The following AK5 variants were observed in gnomAD, a reference collection of about 807,000 sequenced individuals.
The protein encoded by AK5 is adenylate kinase isoenzyme 5.
A neutral mutation model predicts 69.5 loss-of-function variants in AK5; 27 were observed. The observed-to-expected ratio is 0.39, with a 90% confidence interval of 0.29 to 0.54. The LOEUF (loss-of-function observed/expected upper bound fraction) is 0.54. AK5 is among the 20% of genes least tolerant of loss of function. The probability of loss-of-function intolerance (pLI) is 0.71; values close to 1 mark genes in which losing one functional copy is unlikely to be tolerated. For synonymous variants in AK5, 260 were observed against 244.4 expected (o/e 1.06, Z -0.60); for missense variants, 531 against 700.4 (o/e 0.76, Z 2.73).
At chr1:77,491,957 T>C (rs965612057) in intron 10 of AK5, among the ~76,000 whole-genome samples, 1 of 152,226 alleles carries the variant, frequency 6.6e-6, no homozygotes, top group Non-Finnish European at 1.5e-5. Flanking sequence ...TTTTGTTTTT[T>C]CTTGAAGTGA....
chr1:77,524,893 A>T (rs555913827), intron 12 of AK5, among the ~76,000 whole-genome samples: 55 of 151,960 alleles, frequency 3.6e-4, no homozygotes, highest in Non-Finnish European at 5.4e-4. Flanking sequence ...AGGTATTTTG[A>T]TCCAGTTTGT....
chr1:77,294,398 C>CTG (rs66805113), intron 3 of AK5, among the ~76,000 whole-genome samples: 7 of 5,166 alleles, frequency 1.4e-3, no homozygotes, highest in African/African-American at 8.5e-3. Flanking sequence ...CCTAGTGAGA[C>CTG]TATTTCTAGA....
chr1:77,420,724 A>G (rs1481949206), intron 8 of AK5, among the ~76,000 whole-genome samples: 1 of 152,180 alleles, frequency 6.6e-6, no homozygotes, highest in Non-Finnish European at 1.5e-5. Flanking sequence ...CCACTCCAAT[A>G]AAGCCATTAA....
At chr1:77,387,128 A>C (rs1162539336) in intron 6 of AK5, among the ~76,000 whole-genome samples, 4 of 152,164 alleles carry the variant, frequency 2.6e-5, no homozygotes, top group African/African-American at 9.7e-5. Flanking sequence ...TTTCTTAGCT[A>C]TGGTGAATAG....
intron 10 of AK5, among the ~76,000 whole-genome samples, chr1:77,505,734 C>A (rs894508469): frequency 5.8e-4 from 80 of 139,074 alleles, no homozygotes; most frequent in South Asian, 1.8e-3. Flanking sequence ...AAAAAAAAAA[C>A]AAAAATTAGC....
intron 8 of AK5, among the ~76,000 whole-genome samples, chr1:77,430,338 T>G (rs1651554265): frequency 6.6e-6 from 1 of 152,138 alleles, no homozygotes. Context: ...GAAGATGACT[T>G]CTGGGTTTTC....
At chr1:77,395,715 A>G (rs941135890) in intron 6 of AK5, among the ~76,000 whole-genome samples, 1 of 152,234 alleles carries the variant, frequency 6.6e-6, no homozygotes, top group Non-Finnish European at 1.5e-5. Flanking sequence ...ACTAAACAAA[A>G]CATAACCTCA....
At chr1:77,386,256 A>G (rs1648021088) in intron 6 of AK5, among the ~76,000 whole-genome samples, 1 of 152,220 alleles carries the variant, frequency 6.6e-6, no homozygotes, top group African/African-American at 2.4e-5. Flanking sequence ...CCAAGAGTCT[A>G]TCATTTATTC....
intron 6 of AK5, among the ~76,000 whole-genome samples, chr1:77,350,726 A>T (rs1048351831): frequency 2.0e-5 from 3 of 152,204 alleles, no homozygotes; most frequent in Non-Finnish European, 4.4e-5. Flanking sequence ...TAGGCGTAAC[A>T]TACATTTTCC....
intron 8 of AK5, among the ~76,000 whole-genome samples, chr1:77,472,293 G>A (rs1296065769): frequency 6.6e-6 from 1 of 152,192 alleles, no homozygotes; most frequent in Non-Finnish European, 1.5e-5. Context: ...ACGCATAGGG[G>A]ATGCCTCCTT....
At chr1:77,329,743 C>T (rs1001127374) in intron 5 of AK5, among the ~76,000 whole-genome samples, 2 of 152,250 alleles carry the variant, frequency 1.3e-5, no homozygotes, top group East Asian at 3.9e-4. Flanking sequence ...TGGGGATAGC[C>T]TGGAGCCTGG....
At chr1:77,558,119 G>A (rs578012040) in intron 13 of AK5, among the ~76,000 whole-genome samples, 115 of 152,176 alleles carry the variant, frequency 7.6e-4, no homozygotes, top group African/African-American at 2.6e-3. Context: ...GATCATCCTG[G>A]GTGCTTCCAA....
At chr1:77,465,551 G>T (rs1654089672) in intron 8 of AK5, among the ~76,000 whole-genome samples, 1 of 152,138 alleles carries the variant, frequency 6.6e-6, no homozygotes, top group African/African-American at 2.4e-5. Context: ...TGGGCTGAAT[G>T]CTAGAGTTGT....
intron 10 of AK5, among the ~76,000 whole-genome samples, chr1:77,507,935 T>G (rs1383092178): frequency 6.6e-6 from 1 of 152,186 alleles, no homozygotes; most frequent in Non-Finnish European, 1.5e-5. Flanking sequence ...ACCCACCACC[T>G]AGTCTTCAAT....
At chr1:77,339,377 A>G (rs938710917) in intron 5 of AK5, among the ~76,000 whole-genome samples, 1 of 152,228 alleles carries the variant, frequency 6.6e-6, no homozygotes, top group African/African-American at 2.4e-5. Context: ...GTTCTAATTT[A>G]GTTAAATAGA....
intron 6 of AK5, among the ~76,000 whole-genome samples, chr1:77,403,851 G>T (rs1252636192): frequency 6.6e-6 from 1 of 152,190 alleles, no homozygotes; most frequent in Non-Finnish European, 1.5e-5. Flanking sequence ...TTGGTAGCTT[G>T]ATGGGGATGG....
intron 13 of AK5, among the ~76,000 whole-genome samples, chr1:77,554,644 T>C (rs909579170): frequency 7.9e-5 from 12 of 152,142 alleles, no homozygotes; most frequent in Admixed American, 3.3e-4. Context: ...CTCACTCTGT[T>C]GCCCAGGCTG....
intron 8 of AK5, among the ~76,000 whole-genome samples, chr1:77,451,044 T>C (rs1348202305): frequency 6.6e-6 from 1 of 151,962 alleles, no homozygotes; most frequent in Non-Finnish European, 1.5e-5. Flanking sequence ...GGCATGATGG[T>C]ATGTGCCTGT....
chr1:77,328,634 A>G (rs1360039195), intron 5 of AK5, among the ~76,000 whole-genome samples: 2 of 152,248 alleles, frequency 1.3e-5, no homozygotes, highest in African/African-American at 2.4e-5. Context: ...TGTATGTTTC[A>G]TAAACTAATT....
Sources: gnomAD v4.1 joint callset for allele counts (sites outside exome capture counted in the v4.1 genomes callset) on GRCh38, gnomAD v4.1.1 for gene constraint, MANE v1.5 for transcripts, NCBI Gene and HGNC (gene_info 2026-07-23, HGNC 2026-07-21) for gene names.